NCKAP5: variants seen among roughly 807,000 people sequenced by gnomAD.
NCKAP5 encodes the protein NCK associated protein 5, also known as nck-associated protein 5.
Under a neutral mutation model 167.0 loss-of-function variants are expected in NCKAP5, and 92 were observed. That is an observed-to-expected ratio of 0.55 (90% confidence interval 0.47 to 0.66). The LOEUF (loss-of-function observed/expected upper bound fraction) is 0.66. Among genes scored for constraint, NCKAP5 ranks in the 30% least tolerant of loss-of-function variants. The pLI, the probability that NCKAP5 is intolerant of heterozygous loss-of-function variation, is 0.00. For synonymous variants in NCKAP5, 891 were observed against 877.4 expected, an observed-to-expected ratio of 1.02 and a Z score of -0.27; for missense variants, 2,378 against 2,315.0, an observed-to-expected ratio of 1.03 and a Z score of -0.56.
At chr2:132,940,564 A>G (rs1236228502) in intron 8 of NCKAP5, among the ~76,000 whole-genome samples, 1 of 152,202 alleles carries the variant, frequency 6.6e-6, no homozygotes, top group Non-Finnish European at 1.5e-5. Flanking sequence ...AACTAGCAAC[A>G]AGCTAAATGT....
intron 8 of NCKAP5, among the ~76,000 whole-genome samples, chr2:132,949,531 C>T (rs940349231): frequency 2.6e-4 from 39 of 152,188 alleles, no homozygotes; most frequent in African/African-American, 9.2e-4. Context: ...AGTTTCCCCT[C>T]TGCCCCTTCC....
the NCKAP5 span, among the ~76,000 whole-genome samples, chr2:133,650,681 T>C: frequency 3.3e-5 from 5 of 151,358 alleles, no homozygotes; most frequent in East Asian, 9.8e-4. Context: ...TTGAGACGAG[T>C]CTGGCCAACA....
At chr2:133,473,755 G>A (rs1427160250) in intron 3 of NCKAP5, among the ~76,000 whole-genome samples, 3 of 152,134 alleles carry the variant, frequency 2.0e-5, no homozygotes, top group African/African-American at 4.8e-5. Context: ...CGTTGTATAT[G>A]CTGTAACTTC....
intron 16 of NCKAP5, among the ~76,000 whole-genome samples, chr2:132,734,053 C>T (rs141278225): frequency 6.6e-6 from 1 of 152,188 alleles, no homozygotes; most frequent in African/African-American, 2.4e-5. Flanking sequence ...AAGAGAAGTG[C>T]TTTTCTTTCC....
At position 132,971,608 on chromosome 2, in the gene NCKAP5, G is replaced by A. The variant is rs144288867; in HGVS notation, c.430-7739C>T. On this transcript the variant is annotated intron_variant, in intron 7 of 19. Coordinates refer to ENST00000409261, the MANE Select transcript of NCKAP5 (RefSeq NM_207363.3). ...GAAAAACAAGATGCTGCTGCAATAG[G>A]CTATGCGGGAGTTGAAGGAACCATT... 1.3e-3 allele frequency among the ~76,000 whole-genome samples: 201 copies of A among 152,312 alleles called. 1 individual carries two copies. Among genetic ancestry groups the A allele is most frequent in the African/African-American group, 4.6e-3 (192 of 41,570 alleles).
At chr2:132,929,309 A>G (rs975616774) in intron 8 of NCKAP5, among the ~76,000 whole-genome samples, 9 of 152,252 alleles carry the variant, frequency 5.9e-5, no homozygotes, top group Admixed American at 2.0e-4. Flanking sequence ...AAATCACACA[A>G]AACACTTTTC....
rs2079170973 is a variant in NCKAP5, at chr2:133,040,315, A to C, written c.342-46076T>G. 2.0e-5 allele frequency among the ~76,000 whole-genome samples: 3 copies of C among 152,148 alleles called. No individual in the cohort carries two copies. In the South Asian group the frequency reaches 6.2e-4, roughly 32 times the overall value. On this transcript the variant is annotated intron_variant, in intron 6 of 19. Transcript: ENST00000409261. Reference sequence around the variant, plus strand: ...AATCATGGTTTTTGCTATTAAAAGTAATGGCGAAAACCACGAATACTTTTG... The same window carrying C: ...AATCATGGTTTTTGCTATTAAAAGTCATGGCGAAAACCACGAATACTTTTG...
At chr2:133,112,488 T>G (rs529562067) in intron 6 of NCKAP5, among the ~76,000 whole-genome samples, 5 of 150,632 alleles carry the variant, frequency 3.3e-5, no homozygotes, top group Non-Finnish European at 7.4e-5. Flanking sequence ...AAAAAAAAAG[T>G]ATGCTGTTCA....
intron 3 of NCKAP5, among the ~76,000 whole-genome samples, chr2:133,378,317 C>G (rs1050296083): frequency 6.6e-6 from 1 of 152,106 alleles, no homozygotes; most frequent in African/African-American, 2.4e-5. Flanking sequence ...AAAAAAACTT[C>G]TAAGGCTAAC....
chr2:133,266,951 C>A (rs2150394552), intron 4 of NCKAP5, among the ~76,000 whole-genome samples: 2 of 152,250 alleles, frequency 1.3e-5, no homozygotes, highest in African/African-American at 4.8e-5. Context: ...CTCCCCCTCC[C>A]CTCCCCTCCG....
intron 5 of NCKAP5, among the ~76,000 whole-genome samples, chr2:133,134,821 C>A (rs2082730975): frequency 6.6e-6 from 1 of 152,144 alleles, no homozygotes; most frequent in African/African-American, 2.4e-5. Flanking sequence ...TTGCTTAAAT[C>A]ATTAAAGTAT....
intron 6 of NCKAP5, among the ~76,000 whole-genome samples, chr2:133,024,751 C>A (rs2078638830): frequency 6.6e-6 from 1 of 152,188 alleles, no homozygotes; most frequent in Non-Finnish European, 1.5e-5. Flanking sequence ...CCTGTTTTCT[C>A]AATCTTCTCC....
At chr2:133,595,674 G>A in the NCKAP5 span, among the ~76,000 whole-genome samples, 2,479 of 151,996 alleles carry the variant, frequency 0.016, 78 homozygotes, top group African/African-American at 0.056. Context: ...GTAGATCAAG[G>A]TTACCAAACT....
intron 6 of NCKAP5, among the ~76,000 whole-genome samples, chr2:133,017,623 T>C (rs1013687690): frequency 6.6e-6 from 1 of 151,778 alleles, no homozygotes; most frequent in Non-Finnish European, 1.5e-5. Flanking sequence ...AAAAAAAAAA[T>C]TGAACACTTT....
chr2:132,829,439 A>C (rs904864995), intron 11 of NCKAP5, among the ~76,000 whole-genome samples: 32 of 152,194 alleles, frequency 2.1e-4, no homozygotes, highest in African/African-American at 7.0e-4. Context: ...ACCTATGGAC[A>C]AAATCCCTGC....
At chr2:133,182,927 A>G (rs1258649712) in intron 5 of NCKAP5, among the ~76,000 whole-genome samples, 2 of 152,182 alleles carry the variant, frequency 1.3e-5, no homozygotes, top group Non-Finnish European at 2.9e-5. Flanking sequence ...AACAGGAGCT[A>G]TCACTACAGA....
chr2:133,648,859 A>G, the NCKAP5 span, among the ~76,000 whole-genome samples: 1 of 151,828 alleles, frequency 6.6e-6, no homozygotes, highest in African/African-American at 2.4e-5. Context: ...TAAAAAAAAA[A>G]AAGTCCAACT....
intron 4 of NCKAP5, among the ~76,000 whole-genome samples, chr2:133,256,516 G>C (rs2088626322): frequency 6.6e-6 from 1 of 152,010 alleles, no homozygotes; most frequent in Non-Finnish European, 1.5e-5. Context: ...GGAAACTTTA[G>C]AAAATTATCC....
At chr2:133,221,363 C>T (rs1251302519) in intron 4 of NCKAP5, among the ~76,000 whole-genome samples, 1 of 151,920 alleles carries the variant, frequency 6.6e-6, no homozygotes, top group Non-Finnish European at 1.5e-5. Flanking sequence ...TTAAAACTTA[C>T]TTATGTTTAT....
Sources: gnomAD v4.1 joint callset for allele counts (sites outside exome capture counted in the v4.1 genomes callset) on GRCh38, gnomAD v4.1.1 for gene constraint, MANE v1.5 for transcripts, NCBI Gene and HGNC (gene_info 2026-07-23, HGNC 2026-07-21) for gene names.